ASCC2: variants seen among roughly 807,000 people sequenced by gnomAD.
The protein encoded by ASCC2 is ASC-1 complex subunit P100.
A neutral mutation model predicts 93.5 loss-of-function variants in ASCC2; 42 were observed. The observed-to-expected ratio is 0.45, with a 90% CI of 0.35 to 0.58. ASCC2 has a LOEUF of 0.58. Ranked by LOEUF, ASCC2 falls within the 20% of genes least tolerant of loss-of-function variation. The pLI, the probability that ASCC2 is intolerant of heterozygous loss-of-function variation, is 0.00. For synonymous variants in ASCC2, 364 were observed against 384.2 expected, an observed-to-expected ratio of 0.95 and a Z score of 0.62; for missense variants, 859 against 977.6, an observed-to-expected ratio of 0.88 and a Z score of 1.62.
chr22:29,821,331 G>C (rs2061530641), intron 5 of ASCC2, among the ~76,000 whole-genome samples: 1 of 152,214 alleles, frequency 6.6e-6, no homozygotes, highest in Non-Finnish European at 1.5e-5. Context: ...CAGCAACAAT[G>C]CAAATCATGA....
rs1335481782 is a variant in ASCC2, at chr22:29,832,372, G to A, written c.-17-30C>T. On this transcript the variant is annotated intron_variant, in intron 1 of 19. Coordinates refer to ENST00000307790, the MANE Select transcript of ASCC2 (RefSeq NM_032204.5). ...AAGGAATATGGATGGGAAGAAGAGA[G>A]CAGACACACAGACTCCTGGGGGCAG... 6 of 1,546,712 alleles carry A rather than the reference G, an allele frequency of 3.9e-6. No homozygotes were observed. In the South Asian group the frequency reaches 5.6e-5, roughly 14 times the overall value.
chr22:29,836,233 G>A (rs1301356943), intron 1 of ASCC2, among the ~76,000 whole-genome samples: 1 of 151,992 alleles, frequency 6.6e-6, no homozygotes, highest in African/African-American at 2.4e-5. Flanking sequence ...GATGACAGAA[G>A]TGAAGAGAGA....
chr22:29,822,542 G>C (rs989018488), intron 4 of ASCC2, 78 bp from the exon 5 acceptor site: 2 of 1,535,386 alleles, frequency 1.3e-6, no homozygotes, highest in Admixed American at 1.7e-5. Flanking sequence ...CATGAGAAAC[G>C]ATCTTTGGTT....
chr22:29,824,378 C>A (rs1916637793), intron 4 of ASCC2, among the ~76,000 whole-genome samples: 2 of 151,390 alleles, frequency 1.3e-5, no homozygotes, highest in African/African-American at 4.9e-5. Context: ...ACTTTGGGAG[C>A]CTGAGGTGGG....
At chr22:29,837,015 C>A (rs910335508) in intron 1 of ASCC2, among the ~76,000 whole-genome samples, 6 of 152,218 alleles carry the variant, frequency 3.9e-5, no homozygotes, top group African/African-American at 1.2e-4. Flanking sequence ...AAAACCAATA[C>A]CATGATGTAG....
chr22:29,804,669 G>A lies in ASCC2; in HGVS notation c.1322C>T (p.Ser441Leu), dbSNP rs1278002729. The A allele has an allele frequency of 6.2e-7, 1 of 1,614,018 alleles. No individual in the cohort carries two copies. Among genetic ancestry groups the A allele is most frequent in the African/African-American group, 1.3e-5 (1 of 74,918 alleles). The change falls in exon 13 of 20, where the codon TCA becomes TTA. Residue 441 changes from serine to leucine, a missense_variant. Ser to Leu is a moderately radical substitution (Grantham distance 145). Coordinates refer to ENST00000307790, the MANE Select transcript of ASCC2 (RefSeq NM_032204.5). The part of the protein sequence containing the change: ...TVTAEAVSQA[S>L]SHPENSEEEE... ...TTCCTCCGAGTTCTCCGGATGTGAT[G>A]ATGCTTGACTGACTGCCTCTGCTGT... is the stretch of plus-strand genomic sequence containing the variant.
intron 8 of ASCC2, among the ~76,000 whole-genome samples, chr22:29,812,498 T>C (rs1782177134): frequency 6.6e-6 from 1 of 152,228 alleles, no homozygotes; most frequent in African/African-American, 2.4e-5. Flanking sequence ...ACAGCTCCTT[T>C]GGATAAAAGC....
Position 29,825,621 on chromosome 22 carries a change from C to T in ASCC2, c.240+1G>A. On this transcript the variant is annotated splice_donor_variant, in intron 3 of 19. Coordinates refer to ENST00000307790, the MANE Select transcript of ASCC2 (RefSeq NM_032204.5). LOFTEE classifies it high-confidence loss of function. The surrounding 1 kb of genome is among the most constrained non-coding windows in gnomAD (Gnocchi z 4.9). ...TAGCGTTAATTTTGATAGAATGTTA[C>T]CTGGCACCAGAATTTATCGTGAGGC... The T allele has an allele frequency of 6.2e-7, 1 of 1,614,206 alleles. No homozygotes were observed.
rs1157280647 is a variant in ASCC2, at chr22:29,819,910, A to G, written c.541+2425T>C. Among the ~76,000 whole-genome samples, 3 of 152,286 alleles carry G rather than the reference A, an allele frequency of 2.0e-5. No individual in the cohort carries two copies. In the East Asian group the frequency reaches 5.8e-4, roughly 29 times the overall value. On this transcript the variant is annotated intron_variant, in intron 5 of 19. Transcript: ENST00000307790. ...GATCTCACTTTGTCACCCAGGCTGG[A>G]GTGTAGTGGTGTGATCATAGTTCAC... is the stretch of plus-strand genomic sequence containing the variant.
In ASCC2 at chr22:29,793,419, G is replaced by GT; in HGVS notation, c.1859dup (p.Tyr620Ter). 6.2e-7 allele frequency: 1 copy of GT among 1,614,094 alleles called. No individual in the cohort carries two copies. The highest frequency in any genetic ancestry group is 8.5e-7 in the Non-Finnish European group (1 of 1,180,040). ...CATTGGCGCCCACCTGGTTGCCATC[G>GT]TATGTGTCATCGTACTCATCCTCGT... ...VYYEDEYDDT[Y>*]DGNQVGANDA... The change falls in exon 17 of 20, where the codon TAC becomes TAAC. Residue 620 changes from tyrosine to a stop codon, truncating the protein, a stop_gained and frameshift_variant. Transcript: ENST00000307790. LOFTEE classifies it high-confidence loss of function.
chr22:29,822,510 C>A (rs766503260), intron 4 of ASCC2, 46 bp from the exon 5 acceptor site: 1 of 1,603,548 alleles, frequency 6.2e-7, no homozygotes, highest in Non-Finnish European at 8.5e-7. Context: ...TCTGAACACT[C>A]CTACATTATA....
At chr22:29,807,186 A>G (rs1475763136) in intron 9 of ASCC2, among the ~76,000 whole-genome samples, 1 of 138,656 alleles carries the variant, frequency 7.2e-6, no homozygotes, top group African/African-American at 2.7e-5. Flanking sequence ...GGCTGCAGTG[A>G]GCCATGATGG....
intron 4 of ASCC2, 141 bp from the exon 5 acceptor site, chr22:29,822,605 G>A: frequency 1.1e-6 from 1 of 887,402 alleles, no homozygotes; most frequent in Non-Finnish European, 1.6e-6. Flanking sequence ...TGGAGCAATG[G>A]CCATTCTCCC....
At chr22:29,816,904 C>T (rs969745518) in intron 5 of ASCC2, among the ~76,000 whole-genome samples, 3 of 152,058 alleles carry the variant, frequency 2.0e-5, no homozygotes, top group Non-Finnish European at 1.5e-5. Flanking sequence ...GGTTCTTGGC[C>T]CCCTGTAATC....
At position 29,789,034 on chromosome 22, in the gene ASCC2, G is replaced by C. The variant is rs753447337; in HGVS notation, c.2253C>G (p.Ser751Arg). ...GGTCTCAGGATGGGATCATGCCTTT[G>C]CTCCTCTTGCGGTCGGCCATGGTTC... ...NRRTMADRKR[S>R]KGMIPS Residue 751 changes from serine (S) to arginine (R), a missense_variant, in exon 20 of 20, where the codon AGC becomes AGG. By Grantham distance (110) the Ser-to-Arg change is moderately radical. Transcript: ENST00000307790. The C allele has an allele frequency of 8.7e-6, 14 of 1,614,178 alleles. No individual in the cohort carries two copies. The highest frequency in any genetic ancestry group is 1.2e-5 in the Non-Finnish European group (14 of 1,180,030).
At chr22:29,820,913 CAAAA>C (rs376815823) in intron 5 of ASCC2, among the ~76,000 whole-genome samples, 1 of 69,282 alleles carries the variant, frequency 1.4e-5, no homozygotes. Flanking sequence ...TCTCAATACA[CAAAA>C]AAAAAAAAAA....
intron 5 of ASCC2, among the ~76,000 whole-genome samples, chr22:29,820,908 A>G (rs1029911061): frequency 2.5e-4 from 35 of 139,734 alleles, no homozygotes; most frequent in South Asian, 9.1e-4. Flanking sequence ...CTCCATCTCA[A>G]TACACAAAAA....
chr22:29,820,042 A>G (rs2061365565), intron 5 of ASCC2, among the ~76,000 whole-genome samples: 1 of 152,076 alleles, frequency 6.6e-6, no homozygotes, highest in Non-Finnish European at 1.5e-5. Flanking sequence ...TTTTGTAGAG[A>G]CAGGGTGTGG....
intron 2 of ASCC2, chr22:29,827,643 A>G (rs2062539292): frequency 2.1e-6 from 1 of 469,590 alleles, no homozygotes; most frequent in Non-Finnish European, 4.4e-6. Flanking sequence ...AGTTCAAAAC[A>G]ACTGTCAGGA....
Sources: allele counts gnomAD v4.1 joint callset (sites outside exome capture counted in the v4.1 genomes callset), GRCh38; gene constraint gnomAD v4.1.1; non-coding constraint Gnocchi (gnomAD v3.1); transcripts MANE v1.5; gene names NCBI Gene and HGNC (gene_info 2026-07-23, HGNC 2026-07-21).